EYA1: variants seen among roughly 807,000 people sequenced by gnomAD.
The protein encoded by EYA1 is protein phosphatase EYA1.
A neutral mutation model predicts 82.0 loss-of-function variants in EYA1; 16 were observed. The observed-to-expected ratio is 0.20, with a 90% CI of 0.13 to 0.30. The LOEUF is 0.30. EYA1 is among the 10% of genes least tolerant of loss of function. The probability of loss-of-function intolerance (pLI) is 1.00; values close to 1 mark genes in which losing one functional copy is unlikely to be tolerated. For synonymous variants in EYA1, 261 were observed against 264.4 expected, an observed-to-expected ratio of 0.99 and a Z score of 0.12; for missense variants, 633 against 730.7, an observed-to-expected ratio of 0.87 and a Z score of 1.54.
chr8:71,267,695 C>T (rs1022025688), intron 11 of EYA1, among the ~76,000 whole-genome samples: 3 of 152,042 alleles, frequency 2.0e-5, no homozygotes, highest in Non-Finnish European at 2.9e-5. Context: ...ACTACAGGCA[C>T]CTGCCACCAC....
At chr8:71,259,827 G>A (rs118147266) in intron 11 of EYA1, among the ~76,000 whole-genome samples, 1 of 152,092 alleles carries the variant, frequency 6.6e-6, no homozygotes, top group Non-Finnish European at 1.5e-5. Flanking sequence ...CTCTAGAAAC[G>A]TTAAAGGTAA....
At chr8:71,323,951 C>G (rs1319337557) in intron 4 of EYA1, 1 of 152,208 alleles carries the variant, frequency 6.6e-6, no homozygotes, top group South Asian at 2.1e-4. Flanking sequence ...GTAACATGGA[C>G]TTACCCAGCA....
At chr8:71,455,609 G>A (rs1807826391) in intron 2 of EYA1, among the ~76,000 whole-genome samples, 1 of 151,962 alleles carries the variant, frequency 6.6e-6, no homozygotes. Context: ...TCAATACACA[G>A]AAATCAATAA....
rs569332490 is a variant in EYA1 at position 71,239,116 on chromosome 8, G to A, written c.1140+5487C>T. 2.3e-3 allele frequency among the ~76,000 whole-genome samples: 353 copies of A among 152,220 alleles called. 1 individual carries two copies. The highest frequency in any genetic ancestry group is 7.8e-3 in the African/African-American group (324 of 41,566). ...CTTATAAGAAATGATGAAGAAACAA[G>A]AAGAGCAATAAAAATTATTCATTAG... On this transcript the variant is annotated intron_variant, in intron 12 of 17. Coordinates refer to ENST00000340726, the MANE Select transcript of EYA1 (RefSeq NM_000503.6).
At chr8:71,514,442 C>T (rs749426687) in intron 2 of EYA1, among the ~76,000 whole-genome samples, 4 of 152,052 alleles carry the variant, frequency 2.6e-5, no homozygotes, top group Non-Finnish European at 4.4e-5. Flanking sequence ...TGATATACAA[C>T]TGATACTATG....
At chr8:71,245,089 T>C (rs1450025510) in intron 11 of EYA1, among the ~76,000 whole-genome samples, 2 of 152,230 alleles carry the variant, frequency 1.3e-5, no homozygotes, top group Non-Finnish European at 2.9e-5. Flanking sequence ...CTAAGTGCAC[T>C]GTCACAAATA....
upstream of EYA1, among the ~76,000 whole-genome samples, chr8:71,363,038 C>A (rs115493158): frequency 3.9e-3 from 592 of 152,172 alleles, 3 homozygotes; most frequent in African/African-American, 0.013. Flanking sequence ...TCGTTGTAAC[C>A]AATTTTGTGC....
intron 2 of EYA1, among the ~76,000 whole-genome samples, chr8:71,492,530 T>G (rs1811087421): frequency 6.6e-6 from 1 of 151,388 alleles, no homozygotes; most frequent in South Asian, 2.1e-4. Flanking sequence ...AGTCGCGTGA[T>G]CTCAGCTCAC....
intron 2 of EYA1, among the ~76,000 whole-genome samples, chr8:71,369,130 G>A (rs1303180910): frequency 1.3e-5 from 2 of 150,456 alleles, no homozygotes; most frequent in African/African-American, 4.9e-5. Context: ...TTCAACCTGG[G>A]AGGCGGAGGT....
At chr8:71,541,415 G>A (rs1294786194) in intron 1 of EYA1, among the ~76,000 whole-genome samples, 1 of 152,160 alleles carries the variant, frequency 6.6e-6, no homozygotes, top group Non-Finnish European at 1.5e-5. Flanking sequence ...TCAAATTTCT[G>A]CTTCTACCAT....
chr8:71,511,546 G>C lies in EYA1; in HGVS notation c.33+24198C>G, dbSNP rs1416837906. On this transcript the variant is annotated intron_variant, in intron 2 of 18. Coordinates refer to the EYA1 transcript ENST00000643681. ...TCCAGGAAGATGACTGACGGGTCAG[G>C]TAAGACTAGCAGGGCATTCCAGGCA... Among the ~76,000 whole-genome samples, 5 of 152,268 alleles carry C rather than the reference G, an allele frequency of 3.3e-5. No homozygotes were observed. The East Asian group carries it at 9.7e-4, about 29-fold the overall frequency.
chr8:71,505,884 T>TAA (rs1366582442), intron 2 of EYA1, among the ~76,000 whole-genome samples: 1 of 152,106 alleles, frequency 6.6e-6, no homozygotes, highest in African/African-American at 2.4e-5. Flanking sequence ...TGGGAGGTGA[T>TAA]TAGATAATGG....
intron 7 of EYA1, among the ~76,000 whole-genome samples, chr8:71,300,527 A>T (rs1440133655): frequency 6.6e-6 from 1 of 152,192 alleles, no homozygotes; most frequent in Non-Finnish European, 1.5e-5. Context: ...ACACTGCAAA[A>T]TGGGAATTTA....
At chr8:71,323,942 T>A (rs1018746492) in intron 4 of EYA1, 2 of 152,158 alleles carry the variant, frequency 1.3e-5, no homozygotes, top group African/African-American at 4.8e-5. Context: ...AGGCCAAGGG[T>A]AACATGGACT....
intron 2 of EYA1, among the ~76,000 whole-genome samples, chr8:71,464,139 C>T (rs1271719337): frequency 2.0e-5 from 3 of 152,258 alleles, no homozygotes; most frequent in Admixed American, 6.5e-5. Flanking sequence ...CCTCCTCAGG[C>T]GCTGCTCTCC....
intron 2 of EYA1, among the ~76,000 whole-genome samples, chr8:71,400,034 A>T (rs1202299342): frequency 6.6e-6 from 1 of 152,202 alleles, no homozygotes; most frequent in East Asian, 1.9e-4. Context: ...CCTGAGAAAC[A>T]GCAATGGGGA....
intron 2 of EYA1, among the ~76,000 whole-genome samples, chr8:71,419,652 T>C (rs1000043600): frequency 6.6e-6 from 1 of 152,172 alleles, no homozygotes; most frequent in East Asian, 1.9e-4. Flanking sequence ...CTTTCTATTT[T>C]TTATTATTTT....
chr8:71,241,711 AC>A (rs540285738), intron 12 of EYA1, among the ~76,000 whole-genome samples: 241 of 152,170 alleles, frequency 1.6e-3, no homozygotes, highest in Non-Finnish European at 3.0e-3. Flanking sequence ...CATGTCCCCT[AC>A]CACTATCCAT....
intron 4 of EYA1, among the ~76,000 whole-genome samples, chr8:71,329,391 C>A (rs749719136): frequency 3.3e-5 from 5 of 152,176 alleles, no homozygotes; most frequent in African/African-American, 7.2e-5. Context: ...CTGGATCAAG[C>A]CCAGCATCTT....
Sources: gnomAD v4.1 joint callset for allele counts (sites outside exome capture counted in the v4.1 genomes callset) on GRCh38, gnomAD v4.1.1 for gene constraint, MANE v1.5 for transcripts, NCBI Gene and HGNC (gene_info 2026-07-23, HGNC 2026-07-21) for gene names.